Variants in SAMD3 observed in about 807,000 individuals in gnomAD.
SAMD3 encodes sterile alpha motif domain containing 3.
SAMD3 carries 63 observed loss-of-function variants against 58.5 expected under a neutral mutation model. The observed-to-expected ratio is 1.08, with a 90% CI of 0.88 to 1.33. The LOEUF (loss-of-function observed/expected upper bound fraction) is 1.33, where lower values mean the gene tolerates loss of function less well. SAMD3 is among the 40% of genes most tolerant of loss of function. The probability of loss-of-function intolerance (pLI) is 0.00; values close to 1 mark genes in which losing one functional copy is unlikely to be tolerated. For synonymous variants in SAMD3, 220 were observed against 210.3 expected, an observed-to-expected ratio of 1.05 and a Z score of -0.40; for missense variants, 604 against 608.4, an observed-to-expected ratio of 0.99 and a Z score of 0.08.
chr6:130,167,652 C>T (rs758887871), intron 8 of SAMD3, among the ~76,000 whole-genome samples: 2 of 152,158 alleles, frequency 1.3e-5, no homozygotes, highest in Non-Finnish European at 2.9e-5. Flanking sequence ...CAGTAAGACA[C>T]TTAAGAAAAG....
chr6:130,308,127 T>C (rs753155703), intron 2 of SAMD3, among the ~76,000 whole-genome samples: 3 of 152,160 alleles, frequency 2.0e-5, no homozygotes, highest in African/African-American at 4.8e-5. Context: ...AAGCTTTTGT[T>C]TGACCTTTAC....
intron 11 of SAMD3, 28 bp downstream of exon 11, chr6:130,145,312 A>C: frequency 8.5e-7 from 1 of 1,173,494 alleles, no homozygotes; most frequent in Non-Finnish European, 1.2e-6. Flanking sequence ...TAAAATGTCA[A>C]ACTAGTGGCC....
chr6:130,347,165 C>G (rs1452637973), intron 1 of SAMD3, among the ~76,000 whole-genome samples: 1 of 152,066 alleles, frequency 6.6e-6, no homozygotes, highest in Non-Finnish European at 1.5e-5. Context: ...CTCTAAAAAG[C>G]AGAGTGCCTC....
At chr6:130,178,004 C>T (rs969526200) in intron 7 of SAMD3, among the ~76,000 whole-genome samples, 1 of 151,452 alleles carries the variant, frequency 6.6e-6, no homozygotes, top group Non-Finnish European at 1.5e-5. Context: ...GACGGAGTTT[C>T]ACTCTTGTTG....
chr6:130,342,747 T>G (rs1777312593), intron 1 of SAMD3, among the ~76,000 whole-genome samples: 1 of 152,220 alleles, frequency 6.6e-6, no homozygotes, highest in Non-Finnish European at 1.5e-5. Flanking sequence ...AACTCATTAT[T>G]TAATTGATTT....
chr6:130,263,358 G>A (rs932316382), intron 2 of SAMD3, among the ~76,000 whole-genome samples: 27 of 151,996 alleles, frequency 1.8e-4, no homozygotes, highest in African/African-American at 5.3e-4. Flanking sequence ...TAGAATTTCC[G>A]GTAAACCAGA....
At chr6:130,350,571 G>A (rs1406891898) in intron 1 of SAMD3, among the ~76,000 whole-genome samples, 1 of 152,206 alleles carries the variant, frequency 6.6e-6, no homozygotes, top group Non-Finnish European at 1.5e-5. Flanking sequence ...TGAAATAAAA[G>A]AGGATACAAA....
intron 5 of SAMD3, among the ~76,000 whole-genome samples, chr6:130,192,275 T>C (rs1053959760): frequency 2.0e-5 from 3 of 152,382 alleles, no homozygotes; most frequent in African/African-American, 4.8e-5. Context: ...TGTAGTTCTA[T>C]AAACTTGTGT....
intron 2 of SAMD3, among the ~76,000 whole-genome samples, chr6:130,279,950 T>C (rs936137606): frequency 3.9e-5 from 6 of 152,230 alleles, no homozygotes; most frequent in Admixed American, 1.3e-4. Flanking sequence ...TCTTTGTCTT[T>C]CAAATTTTTA....
intron 1 of SAMD3, among the ~76,000 whole-genome samples, chr6:130,352,263 G>T (rs1777699209): frequency 6.6e-6 from 1 of 151,828 alleles, no homozygotes; most frequent in South Asian, 2.1e-4. Flanking sequence ...CATAGAAAGG[G>T]GATAAACTCG....
At chr6:130,348,972 A>G (rs1391210114) in intron 1 of SAMD3, among the ~76,000 whole-genome samples, 1 of 152,164 alleles carries the variant, frequency 6.6e-6, no homozygotes, top group Non-Finnish European at 1.5e-5. Flanking sequence ...CTGCTCCTGA[A>G]TGACTACTGG....
chr6:130,158,593 T>C (rs1252297307), intron 8 of SAMD3, among the ~76,000 whole-genome samples: 2 of 152,148 alleles, frequency 1.3e-5, no homozygotes, highest in African/African-American at 4.8e-5. Context: ...TAAGAAAGGA[T>C]TTCCTAAAAG....
At chr6:130,204,783 G>C (rs1259057986) in intron 5 of SAMD3, among the ~76,000 whole-genome samples, 18 of 56,436 alleles carry the variant, frequency 3.2e-4, no homozygotes, top group Non-Finnish European at 5.2e-4. Context: ...TTTTTTTTTT[G>C]TCAGCACACA....
intron 1 of SAMD3, among the ~76,000 whole-genome samples, chr6:130,357,425 G>A (rs1019175956): frequency 6.6e-5 from 10 of 151,978 alleles, no homozygotes; most frequent in African/African-American, 2.2e-4. Context: ...CACCCGGCCG[G>A]CATCTTTTAA....
chr6:130,266,070 C>T (rs1312391702), intron 2 of SAMD3, among the ~76,000 whole-genome samples: 2 of 152,132 alleles, frequency 1.3e-5, no homozygotes, highest in African/African-American at 4.8e-5. Context: ...TAACCAACCC[C>T]CTTAATCCTC....
intron 8 of SAMD3, chr6:130,161,352 C>CTTTCA (rs931180943): frequency 7.9e-5 from 12 of 152,100 alleles, no homozygotes; most frequent in Non-Finnish European, 1.5e-4. Context: ...AAATGGCTTT[C>CTTTCA]TTTCATCTAC....
chr6:130,153,662 A>ATTTATTTATT (rs1554251857), intron 9 of SAMD3, among the ~76,000 whole-genome samples: 13 of 131,268 alleles, frequency 9.9e-5, no homozygotes, highest in African/African-American at 3.3e-4. Flanking sequence ...ATATATATAT[A>ATTTATTTATT]TATTTATTTA....
At chr6:130,207,120 G>T (rs552801568) in intron 5 of SAMD3, among the ~76,000 whole-genome samples, 7 of 143,972 alleles carry the variant, frequency 4.9e-5, no homozygotes, top group Non-Finnish European at 9.0e-5. Flanking sequence ...CTGCACTCCA[G>T]CCTGGGTGAT....
chr6:130,196,691 C>A (rs1157276396), intron 5 of SAMD3, among the ~76,000 whole-genome samples: 5 of 152,172 alleles, frequency 3.3e-5, no homozygotes, highest in African/African-American at 1.2e-4. Context: ...ATTATTCAGG[C>A]CCCCTCCCTT....
Sources: allele counts gnomAD v4.1 joint callset (sites outside exome capture counted in the v4.1 genomes callset), GRCh38; gene constraint gnomAD v4.1.1; transcripts MANE v1.5; gene names NCBI Gene and HGNC (gene_info 2026-07-23, HGNC 2026-07-21).